Variants in ANAPC16 observed in about 807,000 individuals in gnomAD.
ANAPC16 encodes the protein anaphase promoting complex subunit 16, also known as anaphase-promoting complex subunit 16.
In ANAPC16, 6 loss-of-function variants were observed where a neutral mutation model predicts 13.1. The ratio of observed to expected loss-of-function variants is 0.46; its 90% CI spans 0.25 to 0.90. The LOEUF (loss-of-function observed/expected upper bound fraction) is 0.90, where lower values mean the gene tolerates loss of function less well. ANAPC16 is among the 40% of genes least tolerant of loss of function. The probability of loss-of-function intolerance (pLI) is 0.18; values close to 1 mark genes in which losing one functional copy is unlikely to be tolerated. For missense variants in ANAPC16, 113 were observed against 131.1 expected (o/e 0.86, Z 0.67); for synonymous variants, 55 against 51.3 (o/e 1.07, Z -0.31).
At chr10:72,223,117 C>G (rs996792593) in intron 1 of ANAPC16, 1 of 129,656 alleles carries the variant, frequency 7.7e-6, no homozygotes, top group Non-Finnish European at 1.6e-5. Flanking sequence ...TTTGAGAGTC[C>G]CGCTCTGTCG....
Position 72,235,615 on chromosome 10 carries a change from C to T in ANAPC16, c.*2499C>T, listed in dbSNP as rs578236347. On this transcript the variant is annotated 3_prime_UTR_variant, in exon 4 of 4. Coordinates refer to ENST00000299381, the MANE Select transcript of ANAPC16 (RefSeq NM_173473.4). ...TAGCATCAACCATCTTGATAATCAC[C>T]AAGGGAAAAATTAAAAATACCTAGA... is the stretch of plus-strand genomic sequence containing the variant. 369 of 152,162 alleles carry T rather than the reference C, an allele frequency of 2.4e-3. 1 individual carries two copies. The highest frequency in any genetic ancestry group is 8.3e-3 in the African/African-American group (343 of 41,498). The allele number at this position is 152,162 out of a possible 1,614,324, so 9.4% of individuals were successfully genotyped here. A position where few individuals can be genotyped will look rare whatever the true frequency, so the allele number is the denominator to read the frequency against.
chr10:72,228,061 C>T (rs1439255663), intron 2 of ANAPC16, among the ~76,000 whole-genome samples: 3 of 151,294 alleles, frequency 2.0e-5, no homozygotes, highest in Admixed American at 1.3e-4. Context: ...GAAAATAGAG[C>T]AGGAAGGGTT....
Position 72,233,436 on chromosome 10 carries a change from C to T in ANAPC16, c.*320C>T. 1 of 239,942 alleles carries T rather than the reference C, an allele frequency of 4.2e-6. No individual in the cohort carries two copies. Among genetic ancestry groups the T allele is most frequent in the South Asian group, 7.7e-5 (1 of 13,004 alleles). The allele number at this position is 239,942 out of a possible 1,614,324, so 14.9% of individuals were successfully genotyped here. ...TAGGGCATATATCAGATTTGGCCAACTGAATGGCGTCTGTCCTGTCATCCA... is the reference window on the plus strand; with the variant it reads ...TAGGGCATATATCAGATTTGGCCAATTGAATGGCGTCTGTCCTGTCATCCA... On this transcript the variant is annotated 3_prime_UTR_variant, in exon 4 of 4. Transcript: ENST00000299381.
At chr10:72,229,783 A>G (rs915406814) in intron 2 of ANAPC16, among the ~76,000 whole-genome samples, 1 of 152,192 alleles carries the variant, frequency 6.6e-6, no homozygotes, top group Non-Finnish European at 1.5e-5. Context: ...AACTTGCACC[A>G]TACTCTTATC....
chr10:72,226,090 A>G (rs1860114611), intron 2 of ANAPC16, among the ~76,000 whole-genome samples: 1 of 147,628 alleles, frequency 6.8e-6, no homozygotes, highest in Non-Finnish European at 1.5e-5. Context: ...ATCTTGGCTC[A>G]CTACAACCTC....
At position 72,234,867 on chromosome 10, in the gene ANAPC16, GA is replaced by G. The variant is rs1235808424; in HGVS notation, c.*1752del. The G allele has an allele frequency of 6.6e-6, 1 of 152,182 alleles. No individual in the cohort carries two copies. Among genetic ancestry groups the G allele is most frequent in the Non-Finnish European group, 1.5e-5 (1 of 68,044 alleles). The allele number at this position is 152,182 out of a possible 1,614,324, so 9.4% of individuals were successfully genotyped here. Reference sequence around the variant, plus strand: ...TCATTATTGCCTCTAAAGCAAATTGGAGACTGGGCACAGTGGCTCCCACCTT... The same window carrying G: ...TCATTATTGCCTCTAAAGCAAATTGGGACTGGGCACAGTGGCTCCCACCTT... On this transcript the variant is annotated 3_prime_UTR_variant, in exon 4 of 4. Transcript: ENST00000299381.
chr10:72,227,778 C>T (rs1284827117), intron 2 of ANAPC16, among the ~76,000 whole-genome samples: 1 of 151,786 alleles, frequency 6.6e-6, no homozygotes, highest in Non-Finnish European at 1.5e-5. Context: ...CGCCTGTAAT[C>T]CCAGCACTTT....
intron 2 of ANAPC16, among the ~76,000 whole-genome samples, chr10:72,226,607 A>C (rs1392134935): frequency 6.6e-6 from 1 of 151,486 alleles, no homozygotes; most frequent in South Asian, 2.1e-4. Context: ...TGGGAGGTGG[A>C]GGCTGCAGTG....
intron 1 of ANAPC16, among the ~76,000 whole-genome samples, chr10:72,217,472 C>CAA (rs11393524): frequency 1.8e-3 from 156 of 84,522 alleles, no homozygotes; most frequent in African/African-American, 4.8e-3. Flanking sequence ...GAATCCGTCT[C>CAA]AAAAAAAAAA....
chr10:72,231,545 C>G (rs1860304181), intron 3 of ANAPC16, among the ~76,000 whole-genome samples: 1 of 151,976 alleles, frequency 6.6e-6, no homozygotes, highest in Non-Finnish European at 1.5e-5. Context: ...AAAATGTGAT[C>G]ATTTTATTTT....
At position 72,224,474 on chromosome 10, in the gene ANAPC16, A is replaced by G. The variant is rs899440005; in HGVS notation, c.142+418A>G. Among the ~76,000 whole-genome samples the G allele has an allele frequency of 3.3e-5, 5 of 152,036 alleles. No homozygotes were observed. In the East Asian group the frequency reaches 9.6e-4, roughly 29 times the overall value. The stretch of plus-strand genomic sequence containing the variant: ...CTAAAAATACAAAAATTAGCCGGGC[A>G]TGGTGGTAGGCGCCTGTAATCCCGG... On this transcript the variant is annotated intron_variant, in intron 2 of 3. Coordinates refer to ENST00000299381, the MANE Select transcript of ANAPC16 (RefSeq NM_173473.4).
intron 1 of ANAPC16, among the ~76,000 whole-genome samples, chr10:72,217,296 A>G (rs1859521109): frequency 6.6e-6 from 1 of 152,000 alleles, no homozygotes; most frequent in Non-Finnish European, 1.5e-5. Flanking sequence ...AACACGGTGA[A>G]ACCCCGTCTC....
intron 3 of ANAPC16, among the ~76,000 whole-genome samples, chr10:72,230,715 T>C (rs1226374785): frequency 6.6e-6 from 1 of 151,944 alleles, no homozygotes; most frequent in African/African-American, 2.4e-5. Context: ...GCCAACATGG[T>C]GAAACTGCAT....
chr10:72,219,753 T>C (rs1189839921), intron 1 of ANAPC16, among the ~76,000 whole-genome samples: 3 of 152,108 alleles, frequency 2.0e-5, no homozygotes, highest in Non-Finnish European at 4.4e-5. Flanking sequence ...AAATAAAAAA[T>C]AAAATGTCAT....
chr10:72,226,391 A>AG (rs1860124099), intron 2 of ANAPC16, among the ~76,000 whole-genome samples: 1 of 151,998 alleles, frequency 6.6e-6, no homozygotes, highest in African/African-American at 2.4e-5. Context: ...TACAAACTAT[A>AG]GGCCAGGCAT....
chr10:72,233,078 A>C lies in ANAPC16; in HGVS notation c.295A>C (p.Ile99Leu). 1.2e-6 allele frequency: 2 copies of C among 1,614,208 alleles called. No homozygotes were observed. Among genetic ancestry groups the C allele is most frequent in the Non-Finnish European group, 1.7e-6 (2 of 1,180,030 alleles). ...GGCTGACGAGTGGCGGTTTAAGCCCATCGAGCAGCTGCTGGGATTCACCCC... is the reference window on the plus strand; with the variant it reads ...GGCTGACGAGTGGCGGTTTAAGCCCCTCGAGCAGCTGCTGGGATTCACCCC... ...LEADEWRFKP[I>L]EQLLGFTPSS... is the part of the protein sequence containing the mutation. Residue 99 changes from isoleucine (I) to leucine (L), a missense_variant, in exon 4 of 4, where the codon ATC (isoleucine) becomes CTC (leucine). By Grantham distance (5) the Ile-to-Leu change is conservative (BLOSUM62 2). Transcript: ENST00000299381.
chr10:72,224,833 C>G (rs1256990379), intron 2 of ANAPC16, among the ~76,000 whole-genome samples: 2 of 152,130 alleles, frequency 1.3e-5, no homozygotes, highest in African/African-American at 2.4e-5. Context: ...TGACTCCTGA[C>G]CCACTGCAGC....
At chr10:72,217,036 C>A (rs1859476991) in intron 1 of ANAPC16, 1 of 454,266 alleles carries the variant, frequency 2.2e-6, no homozygotes, top group East Asian at 6.9e-5. Flanking sequence ...GCCCTGCGTT[C>A]TGTCGTTTGT....
intron 2 of ANAPC16, 135 bp downstream of exon 2, chr10:72,224,191 A>G: frequency 1.9e-6 from 2 of 1,054,454 alleles, no homozygotes; most frequent in Non-Finnish European, 2.6e-6. Context: ...CCCCATCTCA[A>G]AATAGTATCT....
Sources: gnomAD v4.1 joint callset for allele counts (sites outside exome capture counted in the v4.1 genomes callset) on GRCh38, gnomAD v4.1.1 for gene constraint, MANE v1.5 for transcripts, NCBI Gene and HGNC (gene_info 2026-07-23, HGNC 2026-07-21) for gene names.